The following CXXC4 variants were observed in gnomAD, a reference collection of about 807,000 sequenced individuals.
The protein encoded by CXXC4 is CXXC finger protein 4, also known as CXXC-type zinc finger protein 4.
In CXXC4, 5 loss-of-function variants were observed where a neutral mutation model predicts 20.5. The observed-to-expected ratio is 0.24, with a 90% CI of 0.13 to 0.51. The LOEUF (loss-of-function observed/expected upper bound fraction) is 0.51. Ranked by LOEUF, CXXC4 falls within the 20% of genes least tolerant of loss-of-function variation. The probability of loss-of-function intolerance (pLI) is 0.97; values close to 1 mark genes in which losing one functional copy is unlikely to be tolerated. For missense variants in CXXC4, 419 were observed against 496.4 expected (o/e 0.84, Z 1.48); for synonymous variants, 250 against 216.4 (o/e 1.16, Z -1.36).
chr4:104,493,318 A>C (rs1444398529), intron 1 of CXXC4, among the ~76,000 whole-genome samples: 1 of 152,176 alleles, frequency 6.6e-6, no homozygotes, highest in African/African-American at 2.4e-5. Context: ...TTTTGGCCAG[A>C]ATATCTTTTT....
At chr4:104,483,836 T>C (rs1464892294) in intron 2 of CXXC4, among the ~76,000 whole-genome samples, 2 of 151,970 alleles carry the variant, frequency 1.3e-5, no homozygotes, top group Non-Finnish European at 2.9e-5. Context: ...TGGTGATATG[T>C]CTGTGGTAAG....
chr4:104,487,956 G>C (rs1227242979), intron 2 of CXXC4, among the ~76,000 whole-genome samples: 1 of 152,204 alleles, frequency 6.6e-6, no homozygotes, highest in Non-Finnish European at 1.5e-5. Context: ...ATCCATGTGA[G>C]TCTGTCTTAA....
chr4:104,490,621 C>T (rs551805854), intron 2 of CXXC4, 123 bp downstream of exon 2: 130 of 924,312 alleles, frequency 1.4e-4, no homozygotes, highest in Middle Eastern at 4.6e-4. Flanking sequence ...ACAACTCTTA[C>T]CACCTGAATG....
At chr4:104,486,219 C>T (rs1736689963) in intron 2 of CXXC4, among the ~76,000 whole-genome samples, 2 of 151,970 alleles carry the variant, frequency 1.3e-5, no homozygotes, top group Non-Finnish European at 2.9e-5. Context: ...AATGTATGTA[C>T]GCTTTGTAAG....
intron 2 of CXXC4, among the ~76,000 whole-genome samples, chr4:104,488,215 A>G (rs1736744628): frequency 6.6e-6 from 1 of 152,234 alleles, no homozygotes; most frequent in Non-Finnish European, 1.5e-5. Flanking sequence ...CCAGGAACCC[A>G]TCCAATCTCT....
intron 2 of CXXC4, among the ~76,000 whole-genome samples, chr4:104,474,595 C>A (rs886575440): frequency 1.3e-5 from 2 of 151,824 alleles, no homozygotes; most frequent in Non-Finnish European, 2.9e-5. Context: ...TAAGTTAGAT[C>A]CAAGCATATT....
At position 104,471,689 on chromosome 4, in the gene CXXC4, T is replaced by C. The variant is rs1043904242; in HGVS notation, c.*633A>G. On this transcript the variant is annotated 3_prime_UTR_variant, in exon 3 of 3. Coordinates refer to ENST00000394767, the MANE Select transcript of CXXC4 (RefSeq NM_025212.4). ...CTGAAGGTAATTGGTGGATGCATCA[T>C]AATCTTTTAGTCTTGTAAAACTTGG... 1 of 152,098 alleles carries C rather than the reference T, an allele frequency of 6.6e-6. No homozygotes were observed. The highest frequency in any genetic ancestry group is 6.6e-5 in the Admixed American group (1 of 15,224). The allele number at this position is 152,098 out of a possible 1,614,324, so 9.4% of individuals were successfully genotyped here.
intron 2 of CXXC4, among the ~76,000 whole-genome samples, chr4:104,480,154 T>C (rs1736516517): frequency 6.6e-6 from 1 of 152,086 alleles, no homozygotes; most frequent in Non-Finnish European, 1.5e-5. Context: ...CTCAGGAAGT[T>C]TTCATGAACT....
chr4:104,491,778 G>T lies in CXXC4; in HGVS notation c.25C>A (p.Pro9Thr). MNTNVCVE[P>T]GPSPEAPGLP... ...CCCGGGGCCTCCGGGCTCGGCCCGG[G>T]CTCCACGCAGACATTGGTGTTCATG... The change falls in exon 2 of 3, where the codon CCC (proline) becomes ACC (threonine). Residue 9 changes from proline (P) to threonine (T), a missense_variant. Physicochemically the swap from Pro to Thr is conservative, Grantham distance 38. Around this residue, in one of 3 missense-constraint regions of CXXC4, gnomAD observed 388 missense variants for 416.0 expected, o/e 0.93. Transcript: ENST00000394767. The T allele has an allele frequency of 1.3e-6, 2 of 1,524,308 alleles. No individual in the cohort carries two copies. The highest frequency in any genetic ancestry group is 2.5e-5 in the South Asian group (2 of 81,570). 94.4% of individuals were successfully genotyped at this position (1,524,308 alleles called of 1,614,324 possible).
At chr4:104,480,814 TG>T (rs1455003003) in intron 2 of CXXC4, among the ~76,000 whole-genome samples, 1 of 152,012 alleles carries the variant, frequency 6.6e-6, no homozygotes, top group Non-Finnish European at 1.5e-5. Context: ...GTAACCTTCC[TG>T]TATTTCCTTC....
intron 2 of CXXC4, among the ~76,000 whole-genome samples, chr4:104,484,323 T>G (rs895867617): frequency 1.3e-5 from 2 of 152,048 alleles, no homozygotes; most frequent in Non-Finnish European, 2.9e-5. Context: ...AACTATTAAG[T>G]TACTTGATAC....
intron 2 of CXXC4, among the ~76,000 whole-genome samples, chr4:104,485,457 T>C (rs1179247291): frequency 1.3e-5 from 2 of 152,072 alleles, no homozygotes; most frequent in African/African-American, 4.8e-5. Context: ...TATTGAATAG[T>C]AGGACATTAT....
At chr4:104,486,963 TACA>T (rs912777457) in intron 2 of CXXC4, among the ~76,000 whole-genome samples, 13 of 152,162 alleles carry the variant, frequency 8.5e-5, no homozygotes, top group Non-Finnish European at 1.3e-4. Context: ...CCTCCCCTAT[TACA>T]CTCTTCTGAA....
At chr4:104,475,467 T>C (rs995283206) in intron 2 of CXXC4, among the ~76,000 whole-genome samples, 1 of 152,146 alleles carries the variant, frequency 6.6e-6, no homozygotes, top group Non-Finnish European at 1.5e-5. Flanking sequence ...ACAATGGAAA[T>C]GTACTTTAGG....
chr4:104,488,456 C>T (rs1010120919), intron 2 of CXXC4, among the ~76,000 whole-genome samples: 1 of 151,974 alleles, frequency 6.6e-6, no homozygotes, highest in Admixed American at 6.5e-5. Context: ...GGATCTTATA[C>T]AATTTTGAAA....
At chr4:104,480,325 C>A (rs545882320) in intron 2 of CXXC4, among the ~76,000 whole-genome samples, 1 of 152,208 alleles carries the variant, frequency 6.6e-6, no homozygotes, top group Admixed American at 6.5e-5. Flanking sequence ...TCCTTCTCAT[C>A]ATCATTCTTT....
intron 2 of CXXC4, among the ~76,000 whole-genome samples, chr4:104,485,100 T>A (rs1736653621): frequency 6.6e-6 from 1 of 152,072 alleles, no homozygotes; most frequent in East Asian, 1.9e-4. Flanking sequence ...CATACTTTCT[T>A]GAAAAGAAGT....
chr4:104,492,117 A>C, intron 1 of CXXC4, 58 bp from the exon 2 acceptor site: 2 of 203,086 alleles, frequency 9.8e-6, no homozygotes, highest in Non-Finnish European at 2.0e-5. Context: ...AAAAATAAAC[A>C]ACCTCCCTCA....
In CXXC4 at chr4:104,472,384, G is replaced by T; in HGVS notation, c.1060-18C>A. The T allele has an allele frequency of 6.3e-7, 1 of 1,584,314 alleles. No individual in the cohort carries two copies. Among genetic ancestry groups the T allele is most frequent in the Non-Finnish European group, 8.6e-7 (1 of 1,163,052 alleles). ...GGTGTTCTCTATAAAAAAAGAGCAA[G>T]AAAACAAGTTAAGCTTTCTTTCTAT... On this transcript the variant is annotated intron_variant, in intron 2 of 2. Transcript: ENST00000394767.
Sources: allele counts gnomAD v4.1 joint callset (sites outside exome capture counted in the v4.1 genomes callset), GRCh38; gene constraint gnomAD v4.1.1; regional missense constraint gnomAD v4.1.1; transcripts MANE v1.5; gene names NCBI Gene and HGNC (gene_info 2026-07-23, HGNC 2026-07-21).